Variants in PKP4 observed in about 807,000 individuals in gnomAD.
PKP4 encodes the protein plakophilin 4.
PKP4 carries 90 observed loss-of-function variants against 145.1 expected under a neutral mutation model. The observed-to-expected ratio is 0.62, with a 90% CI of 0.52 to 0.74. The LOEUF (loss-of-function observed/expected upper bound fraction) is 0.74, where lower values mean the gene tolerates loss of function less well. PKP4 is among the 30% of genes least tolerant of loss of function. The pLI is 0.00. For synonymous variants in PKP4, 563 were observed against 577.2 expected (o/e 0.98, Z 0.35); for missense variants, 1,340 against 1,482.7 (o/e 0.90, Z 1.58).
At chr2:158,490,291 C>T (rs1013757338) in intron 1 of PKP4, among the ~76,000 whole-genome samples, 1 of 150,864 alleles carries the variant, frequency 6.6e-6, no homozygotes, top group African/African-American at 2.4e-5. Flanking sequence ...TTTTGTTGTC[C>T]ATCTTTCCTG....
intron 1 of PKP4, among the ~76,000 whole-genome samples, chr2:158,489,920 A>T (rs1489702893): frequency 6.6e-6 from 1 of 152,178 alleles, no homozygotes; most frequent in African/African-American, 2.4e-5. Flanking sequence ...ACCCAGGCAC[A>T]GCCAGTTACT....
Position 158,680,608 on chromosome 2 carries a change from C to T in PKP4, c.3510C>T (p.Asp1170=), listed in dbSNP as rs993439190. The part of the protein sequence containing the change: ...YGLKSTTNYV[D]FYSTKRPSYR... ...TGAAATCGACCACAAATTATGTAGA[C>T]TTTTATTCCACTAAACGACCTTCTT... Residue 1170 remains aspartate (D), a synonymous_variant, in exon 22 of 22, where the codon GAC becomes GAT. Coordinates refer to ENST00000389759, the MANE Select transcript of PKP4 (RefSeq NM_003628.6). The T allele has an allele frequency of 6.2e-7, 1 of 1,613,802 alleles. No homozygotes were observed. Among genetic ancestry groups the T allele is most frequent in the Non-Finnish European group, 8.5e-7 (1 of 1,179,698 alleles).
chr2:158,616,151 G>A (rs3771648), intron 4 of PKP4, among the ~76,000 whole-genome samples: 29,310 of 152,102 alleles, frequency 0.19, 3,643 homozygotes, highest in Middle Eastern at 0.36. Flanking sequence ...GAATACTATT[G>A]GTGCTTCATG....
chr2:158,522,672 G>T (rs931477619), intron 1 of PKP4, among the ~76,000 whole-genome samples: 8 of 152,204 alleles, frequency 5.3e-5, no homozygotes, highest in South Asian at 2.1e-4. Flanking sequence ...AGCTCCCAGC[G>T]TGAGCGACGC....
intron 16 of PKP4, among the ~76,000 whole-genome samples, chr2:158,668,394 G>A (rs1467677333): frequency 6.6e-6 from 1 of 152,052 alleles, no homozygotes; most frequent in Admixed American, 6.5e-5. Context: ...TTTCTTTTCA[G>A]AGCCATTTTT....
chr2:158,512,114 T>G (rs1471087842), intron 1 of PKP4, among the ~76,000 whole-genome samples: 2 of 152,206 alleles, frequency 1.3e-5, no homozygotes, highest in African/African-American at 4.8e-5. Context: ...ACACAAACTA[T>G]TATTATTTTA....
chr2:158,459,262 G>A (rs982888019), intron 1 of PKP4, among the ~76,000 whole-genome samples: 1 of 152,126 alleles, frequency 6.6e-6, no homozygotes, highest in Admixed American at 6.5e-5. Flanking sequence ...GTGTTGAAAA[G>A]CATCATATGT....
chr2:158,509,748 G>GGCGAGTGGATC (rs1370364773), intron 1 of PKP4, among the ~76,000 whole-genome samples: 2 of 152,148 alleles, frequency 1.3e-5, no homozygotes, highest in Non-Finnish European at 2.9e-5. Context: ...GGGAGTTTGA[G>GGCGAGTGGATC]ACCAGCCTGA....
chr2:158,547,905 G>C (rs1289530597), intron 2 of PKP4, among the ~76,000 whole-genome samples: 1 of 152,238 alleles, frequency 6.6e-6, no homozygotes, highest in Non-Finnish European at 1.5e-5. Flanking sequence ...GTGAAGCTCC[G>C]TGAAGTCGGC....
chr2:158,678,720 G>A (rs996364426), intron 21 of PKP4, 66 bp downstream of exon 21: 6 of 1,023,486 alleles, frequency 5.9e-6, no homozygotes, highest in South Asian at 1.3e-5. Context: ...GGTCCACGTC[G>A]ATTGACTTCC....
intron 16 of PKP4, among the ~76,000 whole-genome samples, chr2:158,667,582 C>T (rs1243335325): frequency 6.6e-6 from 1 of 152,136 alleles, no homozygotes; most frequent in African/African-American, 2.4e-5. Context: ...GAAACAAGGG[C>T]GATGATGTTT....
In PKP4 at chr2:158,526,847, A is replaced by C. The variant is rs1248618922; in HGVS notation, c.-5-6333A>C. Reference sequence around the variant, plus strand: ...GCATTCTTATACGCCAACAACAGACAAACAGAGAGCCAAATCATGAGTGAA... The same window carrying C: ...GCATTCTTATACGCCAACAACAGACCAACAGAGAGCCAAATCATGAGTGAA... On this transcript the variant is annotated intron_variant, in intron 1 of 21. Transcript: ENST00000389759. 4.2e-5 allele frequency among the ~76,000 whole-genome samples: 3 copies of C among 71,808 alleles called. 1 individual carries two copies. The highest frequency in any genetic ancestry group is 6.0e-5 in the African/African-American group (1 of 16,684). 47.1% of individuals were successfully genotyped at this position (71,808 alleles called of 152,430 possible). A position where few individuals can be genotyped will look rare whatever the true frequency, so the allele number is the denominator to read the frequency against.
At chr2:158,589,292 A>G (rs1361007118) in intron 3 of PKP4, among the ~76,000 whole-genome samples, 1 of 152,016 alleles carries the variant, frequency 6.6e-6, no homozygotes, top group Non-Finnish European at 1.5e-5. Context: ...TATTTATTGT[A>G]CACCTGAATC....
chr2:158,476,294 C>A (rs1013745301), intron 1 of PKP4, among the ~76,000 whole-genome samples: 2 of 152,120 alleles, frequency 1.3e-5, no homozygotes, highest in Non-Finnish European at 1.5e-5. Context: ...TCCTTTCCTG[C>A]ACTTTTGAAT....
At chr2:158,663,144 A>G (rs577111806) in intron 14 of PKP4, 56 bp downstream of exon 14, 34 of 1,526,458 alleles carry the variant, frequency 2.2e-5, no homozygotes, top group Non-Finnish European at 2.8e-5. Context: ...GGAGTGAGGA[A>G]TCACATATTT....
chr2:158,488,075 T>G (rs781481489), intron 1 of PKP4, among the ~76,000 whole-genome samples: 1 of 152,168 alleles, frequency 6.6e-6, no homozygotes, highest in Non-Finnish European at 1.5e-5. Flanking sequence ...TCCACCTATA[T>G]CCACAAATTT....
At chr2:158,560,382 A>T (rs1463582592) in intron 2 of PKP4, among the ~76,000 whole-genome samples, 6 of 149,342 alleles carry the variant, frequency 4.0e-5, no homozygotes, top group African/African-American at 1.5e-4. Context: ...GATTTTATGT[A>T]AAAAAAAAAT....
intron 6 of PKP4, among the ~76,000 whole-genome samples, chr2:158,622,149 A>G (rs184432106): frequency 1.2e-4 from 19 of 152,342 alleles, no homozygotes; most frequent in Admixed American, 1.2e-3. Flanking sequence ...GGATTTGCCC[A>G]TTCTAACCAA....
At chr2:158,532,459 CAG>C (rs1278600378) in intron 1 of PKP4, among the ~76,000 whole-genome samples, 3 of 152,176 alleles carry the variant, frequency 2.0e-5, no homozygotes, top group African/African-American at 7.2e-5. Flanking sequence ...CACTAGAAGA[CAG>C]AGAGACTGAT....
Sources: gnomAD v4.1 joint callset for allele counts (sites outside exome capture counted in the v4.1 genomes callset) on GRCh38, gnomAD v4.1.1 for gene constraint, MANE v1.5 for transcripts, NCBI Gene and HGNC (gene_info 2026-07-23, HGNC 2026-07-21) for gene names.